CEP20: variants seen among roughly 807,000 people sequenced by gnomAD.
CEP20 encodes the protein FGFR1OP N-terminal like.
Under a neutral mutation model 20.0 loss-of-function variants are expected in CEP20, and 18 were observed. The ratio of observed to expected loss-of-function variants is 0.90; its 90% confidence interval spans 0.62 to 1.34. CEP20 has a LOEUF of 1.34. Ranked by LOEUF, CEP20 falls within the 40% of genes most tolerant of loss-of-function variation. The pLI is 0.00. For missense variants in CEP20, 215 were observed against 201.6 expected, an observed-to-expected ratio of 1.07 and a Z score of -0.40; for synonymous variants, 77 against 73.7, an observed-to-expected ratio of 1.04 and a Z score of -0.23.
chr16:15,867,596 A>C (rs2044711468), intron 4 of CEP20, 80 bp from the exon 5 acceptor site: 1 of 875,962 alleles, frequency 1.1e-6, no homozygotes, highest in Non-Finnish European at 1.8e-6. Flanking sequence ...CAAATATCTT[A>C]GGATGTTACA....
intron 4 of CEP20, among the ~76,000 whole-genome samples, chr16:15,873,073 ATTT>A (rs919167262): frequency 6.6e-6 from 1 of 151,446 alleles, no homozygotes; most frequent in Non-Finnish European, 1.5e-5. Context: ...AGTTTTCAGT[ATTT>A]TTTTGTTTTT....
chr16:15,880,576 G>A (rs1048561665), intron 2 of CEP20, among the ~76,000 whole-genome samples: 1 of 152,126 alleles, frequency 6.6e-6, no homozygotes, highest in Non-Finnish European at 1.5e-5. Flanking sequence ...AAACATGGCT[G>A]AATCTTGAAT....
At chr16:15,883,462 T>G (rs113176640) in intron 2 of CEP20, among the ~76,000 whole-genome samples, 1 of 152,004 alleles carries the variant, frequency 6.6e-6, no homozygotes, top group Non-Finnish European at 1.5e-5. Context: ...TGGGCTCACA[T>G]GATCACCCCC....
intron 3 of CEP20, among the ~76,000 whole-genome samples, chr16:15,876,416 C>T (rs565963777): frequency 1.3e-5 from 2 of 151,194 alleles, no homozygotes; most frequent in African/African-American, 2.4e-5. Flanking sequence ...CGGCAGTTGC[C>T]GTGAGCCGAG....
intron 2 of CEP20, among the ~76,000 whole-genome samples, chr16:15,882,729 T>C (rs2045128963): frequency 7.5e-6 from 1 of 133,274 alleles, no homozygotes; most frequent in Admixed American, 7.9e-5. Context: ...TTTATCTCCA[T>C]TATATCTATC....
At chr16:15,883,529 C>T (rs948867392) in intron 2 of CEP20, among the ~76,000 whole-genome samples, 1 of 151,960 alleles carries the variant, frequency 6.6e-6, no homozygotes, top group Non-Finnish European at 1.5e-5. Context: ...CCATGCATGG[C>T]TAATTTTAAA....
intron 4 of CEP20, among the ~76,000 whole-genome samples, chr16:15,868,052 C>CTT (rs34672251): frequency 6.7e-6 from 1 of 149,296 alleles, no homozygotes; most frequent in East Asian, 2.0e-4. Context: ...AGTTTCTTGA[C>CTT]TTTTTTTTTG....
At chr16:15,886,580 G>A (rs1049480626) in intron 1 of CEP20, among the ~76,000 whole-genome samples, 2 of 152,178 alleles carry the variant, frequency 1.3e-5, no homozygotes, top group African/African-American at 4.8e-5. Context: ...AGTGGAATGA[G>A]GAAAGCTAGC....
chr16:15,873,507 A>G lies in CEP20; in HGVS notation c.432T>C (p.Ser144=). The G allele has an allele frequency of 6.2e-7, 1 of 1,613,872 alleles. No homozygotes were observed. Among genetic ancestry groups the G allele is most frequent in the Non-Finnish European group, 8.5e-7 (1 of 1,179,882 alleles). ...PSDPSLGRQP[S]RRKPMDDHLR... is the part of the protein sequence containing the mutation. ...AACTCATACCCATTGGCTTTCTTCT[A>G]CTAGGTTGTCTGCCAAGACTTGGGT... Residue 144 remains serine (S), a synonymous_variant, in exon 4 of 5, where the codon AGT becomes AGC. Coordinates refer to ENST00000255759, the MANE Select transcript of CEP20 (RefSeq NM_144600.4).
intron 2 of CEP20, 38 bp downstream of exon 2, chr16:15,883,970 G>T: frequency 1.3e-6 from 2 of 1,537,888 alleles, no homozygotes; most frequent in South Asian, 1.1e-5. Flanking sequence ...GGGGAAAGGG[G>T]AGAAACAGAT....
intron 4 of CEP20, among the ~76,000 whole-genome samples, chr16:15,872,261 A>G (rs999354563): frequency 1.3e-5 from 2 of 151,468 alleles, no homozygotes; most frequent in African/African-American, 4.9e-5. Context: ...TTACAGTGAG[A>G]CGAGATCACA....
chr16:15,877,181 A>G (rs1027755186), intron 3 of CEP20: 2 of 152,366 alleles, frequency 1.3e-5, no homozygotes, highest in Admixed American at 6.6e-5. Context: ...CAAACATTTC[A>G]CGAATTTGCG....
In CEP20 at chr16:15,884,371, C is replaced by T. The variant is rs886480810; in HGVS notation, c.29-166G>A. Among the ~76,000 whole-genome samples the T allele has an allele frequency of 7.9e-5, 12 of 152,312 alleles. No homozygotes were observed. The East Asian group carries it at 1.9e-3, about 24-fold the overall frequency. ...ATTAAACAATTACACTACCACCAGCCATGTTTATACTAAAACATATAGTTC... is the reference window on the plus strand; with the variant it reads ...ATTAAACAATTACACTACCACCAGCTATGTTTATACTAAAACATATAGTTC... On this transcript the variant is annotated intron_variant, in intron 1 of 4. Transcript: ENST00000255759.
intron 3 of CEP20, 27 bp downstream of exon 3, chr16:15,879,777 G>T: frequency 7.4e-7 from 1 of 1,346,930 alleles, no homozygotes. Context: ...TACAATATGT[G>T]GAAACTTCTT....
In CEP20 at chr16:15,866,563, G is replaced by A. The variant is rs1244489224; in HGVS notation, c.*877C>T. On this transcript the variant is annotated 3_prime_UTR_variant, in exon 5 of 5. Coordinates refer to ENST00000255759, the MANE Select transcript of CEP20 (RefSeq NM_144600.4). The stretch of plus-strand genomic sequence containing the variant: ...ATCCCAAGAATAAAAATTGATGTTT[G>A]GTAAGAGTTTCGGAGCCCAAACAAG... 2 of 152,178 alleles carry A rather than the reference G, an allele frequency of 1.3e-5. No individual in the cohort carries two copies. The highest frequency in any genetic ancestry group is 2.4e-5 in the African/African-American group (1 of 41,446). 9.4% of individuals were successfully genotyped at this position (152,178 alleles called of 1,614,324 possible).
At chr16:15,872,451 T>C (rs891670561) in intron 4 of CEP20, among the ~76,000 whole-genome samples, 1 of 152,198 alleles carries the variant, frequency 6.6e-6, no homozygotes, top group Non-Finnish European at 1.5e-5. Context: ...GGCTCGTGCC[T>C]GTAACCCCCA....
At chr16:15,881,513 G>T (rs1273322856) in intron 2 of CEP20, among the ~76,000 whole-genome samples, 1 of 152,120 alleles carries the variant, frequency 6.6e-6, no homozygotes, top group Non-Finnish European at 1.5e-5. Flanking sequence ...ACTTCACAAA[G>T]AATTCATTCT....
At position 15,869,119 on chromosome 16, in the gene CEP20, A is replaced by G. The variant is rs1213837075; in HGVS notation, c.449-1603T>C. Reference sequence around the variant, plus strand: ...AATGTGTGTGTGTGTATATATATATAAAGTTGAATAGCAAAAACTACTTTG... The same window carrying G: ...AATGTGTGTGTGTGTATATATATATGAAGTTGAATAGCAAAAACTACTTTG... On this transcript the variant is annotated intron_variant, in intron 4 of 4. Coordinates refer to ENST00000255759, the MANE Select transcript of CEP20 (RefSeq NM_144600.4). 3.9e-5 allele frequency among the ~76,000 whole-genome samples: 6 copies of G among 151,972 alleles called. No individual in the cohort carries two copies. In the East Asian group the frequency reaches 1.2e-3, roughly 29 times the overall value.
chr16:15,885,774 A>C (rs957223256), intron 1 of CEP20: 16 of 152,234 alleles, frequency 1.1e-4, no homozygotes, highest in Non-Finnish European at 1.9e-4. Flanking sequence ...GAAATCTACC[A>C]CGTGACTGTA....
Sources: allele counts gnomAD v4.1 joint callset (sites outside exome capture counted in the v4.1 genomes callset), GRCh38; gene constraint gnomAD v4.1.1; transcripts MANE v1.5; gene names NCBI Gene and HGNC (gene_info 2026-07-23, HGNC 2026-07-21).